ARID3C: variants seen among roughly 807,000 people sequenced by gnomAD.
The protein encoded by ARID3C is AT-rich interaction domain 3C, also known as AT-rich interactive domain-containing protein 3C.
A neutral mutation model predicts 37.9 loss-of-function variants in ARID3C; 42 were observed. That is an observed-to-expected ratio of 1.11 (90% CI 0.87 to 1.43). ARID3C has a LOEUF of 1.43. ARID3C is among the 40% of genes most tolerant of loss of function. The pLI is 0.00. For synonymous variants in ARID3C, 213 were observed against 228.0 expected (o/e 0.93, Z 0.59); for missense variants, 581 against 548.8 (o/e 1.06, Z -0.59).
intron 5 of ARID3C, 76 bp from the exon 7 acceptor site, chr9:34,622,185 AT>A: frequency 6.3e-7 from 1 of 1,581,056 alleles, no homozygotes; most frequent in Admixed American, 1.7e-5. Flanking sequence ...TCCCCCCTCC[AT>A]CCCCGTAGAC....
Position 34,622,539 on chromosome 9 carries a change from C to T in ARID3C, c.866-10G>A, listed in dbSNP as rs376811124. 25 of 1,581,084 alleles carry T rather than the reference C, an allele frequency of 1.6e-5. No individual in the cohort carries two copies. The highest frequency in any genetic ancestry group is 2.0e-5 in the Non-Finnish European group (23 of 1,163,476). ...GGAATTCCACTCTCCTCTAGAAGAA[C>T]AGGTTATTCAGCTCCCCTGGCCAAA... On this transcript the variant is annotated splice_polypyrimidine_tract_variant and intron_variant, in intron 4 of 6. Transcript: ENST00000378909.
rs751614460 is a variant in ARID3C, at chr9:34,628,060, C to G, written c.-46G>C. On this transcript the variant is annotated 5_prime_UTR_variant, in exon 1 of 7. Transcript: ENST00000378909. The surrounding 1 kb of genome is among the most constrained non-coding windows in gnomAD (Gnocchi z 5.2). ...CCCCAGCTGAGGGGGTCCCTGGTAC[C>G]AGGCGGGACCCCGAGGAAAGGGCCG... 1 of 1,445,600 alleles carries G rather than the reference C, an allele frequency of 6.9e-7. No individual in the cohort carries two copies. The highest frequency in any genetic ancestry group is 9.1e-7 in the Non-Finnish European group (1 of 1,101,248). 89.5% of individuals were successfully genotyped at this position (1,445,600 alleles called of 1,614,324 possible). A position where few individuals can be genotyped will look rare whatever the true frequency, so the allele number is the denominator to read the frequency against.
Position 34,622,323 on chromosome 9 carries a change from C to T in ARID3C, c.1048+24G>A, listed in dbSNP as rs777655099. ...TCCCTCAGTGTACAGTCCCGAAGCCCCCTCACAACAAGCCCCTCCTCACCC... is the reference window on the plus strand; with the variant it reads ...TCCCTCAGTGTACAGTCCCGAAGCCTCCTCACAACAAGCCCCTCCTCACCC... On this transcript the variant is annotated intron_variant, in intron 5 of 6. Transcript: ENST00000378909. 1.9e-6 allele frequency: 3 copies of T among 1,588,528 alleles called. No individual in the cohort carries two copies. In the Admixed American group the frequency reaches 5.2e-5, roughly 27 times the overall value.
chr9:34,625,349 T>G (rs952189448), intron 2 of ARID3C, among the ~76,000 whole-genome samples: 3 of 152,172 alleles, frequency 2.0e-5, no homozygotes, highest in African/African-American at 7.2e-5. Context: ...CTTCAGTCTA[T>G]TCCTAGTCCT....
chr9:34,624,198 A>C (rs1297436354), intron 2 of ARID3C, 151 bp from the exon 4 acceptor site: 2 of 825,628 alleles, frequency 2.4e-6, no homozygotes, highest in Non-Finnish European at 3.5e-6. Flanking sequence ...CTGTTTTAGC[A>C]AGAAGGACAG....
chr9:34,627,989 G>A lies in ARID3C; in HGVS notation c.26C>T (p.Ala9Val), dbSNP rs1403592858. 4 of 1,512,388 alleles carry A rather than the reference G, an allele frequency of 2.6e-6. No homozygotes were observed. In the South Asian group the frequency reaches 3.8e-5, roughly 14 times the overall value. 93.7% of individuals were successfully genotyped at this position (1,512,388 alleles called of 1,614,324 possible). ...CCCCACCCCCTGGGCCAGCCGAGCT[G>A]CCTGCTGCTTCTGCAGGGCCTCCAT... The change falls in exon 1 of 7, where the codon GCA becomes GTA. Residue 9 changes from alanine (A) to valine (V), a missense_variant. Ala to Val is a moderately conservative substitution (Grantham distance 64). Coordinates refer to ENST00000378909, the Ensembl canonical transcript of ARID3C.
At chr9:34,624,290 T>C (rs1820625579) in intron 2 of ARID3C, among the ~76,000 whole-genome samples, 2 of 152,186 alleles carry the variant, frequency 1.3e-5, no homozygotes, top group South Asian at 4.1e-4. Context: ...AACGCTGTCA[T>C]TGTAGCCTAA....
At chr9:34,625,891 T>TTGTTCAGG in intron 1 of ARID3C, 77 bp from the exon 3 acceptor site, 1 of 1,514,054 alleles carries the variant, frequency 6.6e-7, no homozygotes, top group Non-Finnish European at 9.1e-7. Flanking sequence ...GGTTGTACCC[T>TTGTTCAGG]GAACAAGGGT....
intron 6 of ARID3C, 28 bp downstream of exon 7, chr9:34,621,992 C>A (rs373685361): frequency 2.4e-5 from 38 of 1,607,328 alleles, no homozygotes; most frequent in Non-Finnish European, 3.2e-5. Context: ...GACCCCATGC[C>A]AGTGTAGACA....
rs1195600091 is a variant in ARID3C at position 34,623,853 on chromosome 9, C to T, written c.575+11G>A. On this transcript the variant is annotated intron_variant, in intron 3 of 6. Coordinates refer to ENST00000378909, the Ensembl canonical transcript of ARID3C. ...TGCCCCCTTCCCTTCCGCTCCCGCCCCTGGCCTCACTGGGTGCGTAGAGTG... is the reference window on the plus strand; with the variant it reads ...TGCCCCCTTCCCTTCCGCTCCCGCCTCTGGCCTCACTGGGTGCGTAGAGTG... 1 of 1,583,440 alleles carries T rather than the reference C, an allele frequency of 6.3e-7. No homozygotes were observed.
chr9:34,621,654 T>A, intron 6 of ARID3C, 96 bp from the exon 8 acceptor site: 7 of 915,080 alleles, frequency 7.6e-6, no homozygotes, highest in South Asian at 1.6e-5. Context: ...GTGTTCTGGT[T>A]GCTAGAACAC....
intron 1 of ARID3C, 55 bp from the exon 3 acceptor site, chr9:34,625,869 G>A (rs975682066): frequency 5.0e-6 from 8 of 1,596,812 alleles, no homozygotes; most frequent in Non-Finnish European, 6.9e-6. Flanking sequence ...TCCCTCCCTT[G>A]ACCCCAATTC....
chr9:34,630,350 C>T (rs1032852930), upstream of ARID3C, among the ~76,000 whole-genome samples: 6 of 152,162 alleles, frequency 3.9e-5, no homozygotes, highest in Non-Finnish European at 5.9e-5. Context: ...CCACTCCTCC[C>T]GGGAATCCTC....
intron 2 of ARID3C, among the ~76,000 whole-genome samples, chr9:34,624,524 C>T (rs2132312204): frequency 6.6e-6 from 1 of 152,332 alleles, no homozygotes. Flanking sequence ...GACTTTCGGA[C>T]AGTGCTGAAG....
upstream of ARID3C, among the ~76,000 whole-genome samples, chr9:34,629,151 C>G (rs1203050582): frequency 6.6e-6 from 1 of 152,204 alleles, no homozygotes; most frequent in African/African-American, 2.4e-5. Context: ...ATCTGCCGCT[C>G]TCAGCTCCCC....
At chr9:34,623,963 C>A in exon 3 of ARID3C, 1 of 1,605,370 alleles carries the variant, frequency 6.2e-7, no homozygotes, top group Non-Finnish European at 8.5e-7. Flanking sequence ...TTCCACCAGG[C>A]CGCCCTTGGC....
rs1035235146 is a variant in ARID3C, at chr9:34,627,894, G to A, written c.121C>T (p.Pro41Ser). 3.8e-6 allele frequency: 6 copies of A among 1,563,948 alleles called. No individual in the cohort carries two copies. Among genetic ancestry groups the A allele is most frequent in the Admixed American group, 1.9e-5 (1 of 52,138 alleles). The change falls in exon 1 of 7, where the codon CCT (proline) becomes TCT (serine). Residue 41 changes from proline to serine, a missense_variant. Pro to Ser is a moderately conservative substitution (Grantham distance 74). Coordinates refer to ENST00000378909, the Ensembl canonical transcript of ARID3C. ...CCAACATTCCCCAAGGCCCCCTCAG[G>A]GGCCTGTAGGGTCCGGTGGTCAGGC...
chr9:34,623,788 G>A (rs550487304), intron 3 of ARID3C, 74 bp from the exon 5 acceptor site: 158 of 1,500,408 alleles, frequency 1.1e-4, no homozygotes, highest in Non-Finnish European at 1.3e-4. Context: ...CCGGACGCCC[G>A]CCCGGGGACC....
At chr9:34,624,805 T>TC (rs1461232748) in intron 2 of ARID3C, among the ~76,000 whole-genome samples, 6 of 151,834 alleles carry the variant, frequency 4.0e-5, no homozygotes, top group African/African-American at 1.5e-4. Flanking sequence ...CGGGACCCCC[T>TC]CCCCCTGCAG....
Sources: allele counts gnomAD v4.1 joint callset (sites outside exome capture counted in the v4.1 genomes callset), GRCh38; gene constraint gnomAD v4.1.1; non-coding constraint Gnocchi (gnomAD v3.1); transcripts MANE v1.5; gene names NCBI Gene and HGNC (gene_info 2026-07-23, HGNC 2026-07-21).